NRG1: variants seen among roughly 807,000 people sequenced by gnomAD.
NRG1 encodes the protein pro-neuregulin-1, membrane-bound isoform.
Under a neutral mutation model 63.8 loss-of-function variants are expected in NRG1, and 18 were observed. The observed-to-expected ratio is 0.28, with a 90% CI of 0.19 to 0.42. The LOEUF (loss-of-function observed/expected upper bound fraction) is 0.42, where lower values mean the gene tolerates loss of function less well. Among genes scored for constraint, NRG1 ranks in the 10% least tolerant of loss-of-function variants. The pLI, the probability that NRG1 is intolerant of heterozygous loss-of-function variation, is 1.00. For missense variants in NRG1, 762 were observed against 814.7 expected (o/e 0.94, Z 0.79); for synonymous variants, 302 against 301.3 (o/e 1.00, Z -0.02).
At chr8:32,075,183 A>G (rs1018666754) in intron 1 of NRG1, among the ~76,000 whole-genome samples, 7 of 152,236 alleles carry the variant, frequency 4.6e-5, no homozygotes, top group Admixed American at 3.3e-4. Flanking sequence ...GAGATATTCC[A>G]TAAAGACAAC....
intron 1 of NRG1, among the ~76,000 whole-genome samples, chr8:32,153,769 G>T (rs571594393): frequency 1.3e-5 from 2 of 152,296 alleles, no homozygotes; most frequent in African/African-American, 2.4e-5. Context: ...GCACACTAGG[G>T]ATGAAGTGAT....
At chr8:32,060,150 C>A (rs1214950657) in intron 1 of NRG1, among the ~76,000 whole-genome samples, 2 of 151,810 alleles carry the variant, frequency 1.3e-5, no homozygotes, top group Non-Finnish European at 2.9e-5. Context: ...TCATTTATTT[C>A]TTACACTATT....
intron 1 of NRG1, among the ~76,000 whole-genome samples, chr8:32,187,231 T>G (rs1304814721): frequency 6.6e-6 from 1 of 152,086 alleles, no homozygotes; most frequent in East Asian, 1.9e-4. Flanking sequence ...TCATGAAGAC[T>G]TAGTAAGGGT....
intron 1 of NRG1, among the ~76,000 whole-genome samples, chr8:32,180,862 C>G (rs1035892698): frequency 6.6e-6 from 1 of 151,924 alleles, no homozygotes. Flanking sequence ...AATTATTCCC[C>G]CAATTGAAGT....
intron 1 of NRG1, among the ~76,000 whole-genome samples, chr8:31,915,301 C>A (rs1303692096): frequency 6.6e-6 from 1 of 152,058 alleles, no homozygotes; most frequent in Non-Finnish European, 1.5e-5. Context: ...ATAGCTAAGA[C>A]CATAAATTAC....
chr8:31,693,036 G>A (rs997524909), intron 1 of NRG1, among the ~76,000 whole-genome samples: 1 of 152,108 alleles, frequency 6.6e-6, no homozygotes. Flanking sequence ...TTTATTTTGG[G>A]TGCTGACCTT....
At chr8:31,931,552 T>C (rs896409226) in intron 1 of NRG1, among the ~76,000 whole-genome samples, 4 of 152,208 alleles carry the variant, frequency 2.6e-5, no homozygotes, top group African/African-American at 9.6e-5. Flanking sequence ...GCGTGATAAT[T>C]GTCCTAAAGT....
intron 1 of NRG1, among the ~76,000 whole-genome samples, chr8:32,584,419 C>A (rs1167057447): frequency 6.6e-6 from 1 of 152,112 alleles, no homozygotes; most frequent in Non-Finnish European, 1.5e-5. Context: ...TTTAAAGGTC[C>A]TTAGAAAGTC....
At chr8:32,232,914 T>C (rs1367203560) in intron 1 of NRG1, among the ~76,000 whole-genome samples, 2 of 152,194 alleles carry the variant, frequency 1.3e-5, no homozygotes, top group African/African-American at 4.8e-5. Flanking sequence ...TTCATTATCA[T>C]TTCTACTCTT....
intron 3 of NRG1, among the ~76,000 whole-genome samples, chr8:32,612,751 AT>A (rs1297674562): frequency 2.6e-5 from 4 of 152,012 alleles, no homozygotes; most frequent in African/African-American, 9.7e-5. Context: ...GAGTCTTGAT[AT>A]CCGAATTGGG....
At chr8:32,216,993 T>C (rs1246387424) in intron 1 of NRG1, among the ~76,000 whole-genome samples, 2 of 151,798 alleles carry the variant, frequency 1.3e-5, no homozygotes, top group Non-Finnish European at 2.9e-5. Context: ...CGGGAGGATC[T>C]CTTGAGATCA....
chr8:31,853,328 T>C (rs1586819361), intron 1 of NRG1, among the ~76,000 whole-genome samples: 1 of 151,252 alleles, frequency 6.6e-6, no homozygotes, highest in Admixed American at 6.6e-5. Flanking sequence ...GTCCTTCACA[T>C]CCCTTGTAAG....
chr8:31,985,830 G>T (rs1055066345), intron 1 of NRG1, among the ~76,000 whole-genome samples: 5 of 152,058 alleles, frequency 3.3e-5, no homozygotes, highest in African/African-American at 1.2e-4. Context: ...GTTCTTAGGG[G>T]CTGTACTTAT....
At chr8:32,518,297 C>T (rs1358328448) in intron 1 of NRG1, among the ~76,000 whole-genome samples, 2 of 152,166 alleles carry the variant, frequency 1.3e-5, no homozygotes, top group South Asian at 4.1e-4. Context: ...GCCAAGGAGG[C>T]TTCCAGGAGC....
chr8:31,786,056 G>GA lies in NRG1; in HGVS notation c.37+146631dup, dbSNP rs563873764. Among the ~76,000 whole-genome samples the GA allele has an allele frequency of 3.0e-3, 462 of 152,280 alleles. 1 individual carries two copies. The highest frequency in any genetic ancestry group is 6.8e-3 in the Middle Eastern group (2 of 294). ...GAAATCACAAAGCTTTATTCATGCA[G>GA]AAAAAATTAATTTGAAAAAGCCCAC... On this transcript the variant is annotated intron_variant, in intron 1 of 10. Coordinates refer to the NRG1 transcript ENST00000519301.
chr8:31,914,212 T>C (rs1292502405), intron 1 of NRG1, among the ~76,000 whole-genome samples: 3 of 152,202 alleles, frequency 2.0e-5, no homozygotes, highest in African/African-American at 4.8e-5. Context: ...CTATGCCTTT[T>C]TTAGCCACTG....
intron 1 of NRG1, among the ~76,000 whole-genome samples, chr8:31,660,223 A>C (rs1245815092): frequency 6.6e-6 from 1 of 152,206 alleles, no homozygotes; most frequent in Admixed American, 6.5e-5. Context: ...CTGGCAAGCT[A>C]TGATTGATTG....
chr8:32,550,905 A>G (rs961428706), intron 1 of NRG1, among the ~76,000 whole-genome samples: 8 of 152,198 alleles, frequency 5.3e-5, no homozygotes, highest in African/African-American at 1.7e-4. Flanking sequence ...CCACCAGATT[A>G]TAATCTTTTT....
chr8:32,615,928 GT>G (rs1358951020), intron 4 of NRG1, among the ~76,000 whole-genome samples: 5 of 152,030 alleles, frequency 3.3e-5, no homozygotes, highest in Middle Eastern at 3.4e-3. Context: ...TCATTTACAC[GT>G]TTCTGTAATA....
Sources: allele counts gnomAD v4.1 joint callset (sites outside exome capture counted in the v4.1 genomes callset), GRCh38; gene constraint gnomAD v4.1.1; transcripts MANE v1.5; gene names NCBI Gene and HGNC (gene_info 2026-07-23, HGNC 2026-07-21).